ANO4: variants seen among roughly 807,000 people sequenced by gnomAD.
The protein encoded by ANO4 is anoctamin-4.
Under a neutral mutation model 141.9 loss-of-function variants are expected in ANO4, and 69 were observed. That is an observed-to-expected ratio of 0.49 (90% CI 0.40 to 0.59). The LOEUF (loss-of-function observed/expected upper bound fraction) is 0.59, where lower values mean the gene tolerates loss of function less well. ANO4 is among the 20% of genes least tolerant of loss of function. The pLI is 0.00. For synonymous variants in ANO4, 350 were observed against 394.3 expected (o/e 0.89, Z 1.33); for missense variants, 894 against 1,162.2 (o/e 0.77, Z 3.36).
At chr12:100,877,238 G>T (rs930794313) in intron 1 of ANO4, among the ~76,000 whole-genome samples, 1 of 151,530 alleles carries the variant, frequency 6.6e-6, no homozygotes, top group Non-Finnish European at 1.5e-5. Context: ...ATAATATATG[G>T]TATATTTGAA....
At position 100,905,510 on chromosome 12, in the gene ANO4, C is replaced by A. The variant is rs143570497; in HGVS notation, c.55+3670C>A. On this transcript the variant is annotated intron_variant, in intron 2 of 27. Transcript: ENST00000392977. ...TATTGAAAGTCAAATAAGATGAGGA[C>A]TGAGAATTAGTCGATTTTAGTAAAG... Among the ~76,000 whole-genome samples, 214 of 152,170 alleles carry A rather than the reference C, an allele frequency of 1.4e-3. 2 individuals are homozygous for A. The highest frequency in any genetic ancestry group is 4.9e-3 in the African/African-American group (203 of 41,516).
At chr12:100,841,635 G>C (rs1434889366) in intron 1 of ANO4, among the ~76,000 whole-genome samples, 1 of 152,166 alleles carries the variant, frequency 6.6e-6, no homozygotes, top group Admixed American at 6.6e-5. Flanking sequence ...GATCCAGGGT[G>C]AACGGTAGTC....
chr12:101,006,230 G>T (rs553947087), intron 8 of ANO4, among the ~76,000 whole-genome samples: 10 of 152,188 alleles, frequency 6.6e-5, no homozygotes, highest in Non-Finnish European at 1.2e-4. Flanking sequence ...TAGAATACCT[G>T]GGAGTAAAAT....
chr12:100,886,575 C>G (rs1376941368), intron 1 of ANO4, among the ~76,000 whole-genome samples: 2 of 152,176 alleles, frequency 1.3e-5, no homozygotes, highest in Non-Finnish European at 2.9e-5. Flanking sequence ...CCACCACTCT[C>G]TTTGTGAAGC....
chr12:101,080,883 T>TATATATATA (rs1491584060), intron 15 of ANO4, among the ~76,000 whole-genome samples: 2 of 74,072 alleles, frequency 2.7e-5, no homozygotes, highest in Non-Finnish European at 6.0e-5. Flanking sequence ...TATATATATA[T>TATATATATA]TATATATATA....
chr12:100,761,256 T>C (rs1256590460), intron 3 of ANO4, among the ~76,000 whole-genome samples: 1 of 152,196 alleles, frequency 6.6e-6, no homozygotes, highest in African/African-American at 2.4e-5. Flanking sequence ...CCCAGGCCTA[T>C]GTCTCATCTC....
intron 1 of ANO4, among the ~76,000 whole-genome samples, chr12:100,867,810 G>GGT (rs2038830325): frequency 6.6e-6 from 1 of 152,270 alleles, no homozygotes; most frequent in African/African-American, 2.4e-5. Context: ...AATTCCTCCA[G>GGT]GTGTGTGGCT....
chr12:101,044,225 G>A (rs954853648), intron 13 of ANO4, among the ~76,000 whole-genome samples: 1 of 151,990 alleles, frequency 6.6e-6, no homozygotes, highest in Non-Finnish European at 1.5e-5. Context: ...GAGCTTTCTT[G>A]TCTCTAAAAT....
At chr12:100,886,948 A>G (rs1452834791) in intron 1 of ANO4, among the ~76,000 whole-genome samples, 3 of 152,194 alleles carry the variant, frequency 2.0e-5, no homozygotes, top group African/African-American at 7.2e-5. Context: ...CTCCTCTTGT[A>G]GACATAGATT....
chr12:100,749,933 G>T (rs2032296427), intron 3 of ANO4, among the ~76,000 whole-genome samples: 1 of 152,092 alleles, frequency 6.6e-6, no homozygotes, highest in Non-Finnish European at 1.5e-5. Context: ...TAATTAATGG[G>T]ATGTGATATA....
intron 1 of ANO4, among the ~76,000 whole-genome samples, chr12:100,824,908 T>C (rs1163131253): frequency 6.6e-6 from 1 of 152,060 alleles, no homozygotes; most frequent in African/African-American, 2.4e-5. Context: ...TTTTTTAACT[T>C]AATTGATATC....
intron 14 of ANO4, 114 bp downstream of exon 14, chr12:101,048,515 T>C: frequency 1.1e-6 from 1 of 910,484 alleles, no homozygotes; most frequent in Non-Finnish European, 1.7e-6. Flanking sequence ...TGGAATTAGC[T>C]TTCCTATTAG....
intron 9 of ANO4, among the ~76,000 whole-genome samples, chr12:101,031,605 T>C (rs558573990): frequency 6.6e-6 from 1 of 152,116 alleles, no homozygotes; most frequent in Non-Finnish European, 1.5e-5. Flanking sequence ...GAGAAAGAAA[T>C]AAAGTGTATT....
chr12:101,042,303 G>A (rs1415692139), intron 11 of ANO4, 31 bp from the exon 12 acceptor site: 2 of 1,613,562 alleles, frequency 1.2e-6, no homozygotes, highest in East Asian at 2.2e-5. Context: ...ACACTGCACT[G>A]TAATTTGCAA....
chr12:101,035,672 G>A (rs2047164464), intron 9 of ANO4, among the ~76,000 whole-genome samples: 1 of 152,158 alleles, frequency 6.6e-6, no homozygotes, highest in South Asian at 2.1e-4. Context: ...CCATAATGAA[G>A]CTTCTGAATG....
chr12:101,107,144 T>C (rs1421306760), intron 22 of ANO4, among the ~76,000 whole-genome samples: 1 of 152,208 alleles, frequency 6.6e-6, no homozygotes, highest in Non-Finnish European at 1.5e-5. Context: ...TTTCTGTCCA[T>C]AACATCCATT....
intron 1 of ANO4, among the ~76,000 whole-genome samples, chr12:100,810,779 G>A (rs1158914587): frequency 6.6e-6 from 1 of 151,742 alleles, no homozygotes; most frequent in Non-Finnish European, 1.5e-5. Context: ...GATGAGGGAA[G>A]TATAGCCAGG....
chr12:100,883,714 C>T (rs1272775106), intron 1 of ANO4, among the ~76,000 whole-genome samples: 1 of 152,086 alleles, frequency 6.6e-6, no homozygotes, highest in Non-Finnish European at 1.5e-5. Context: ...CTACTTGACT[C>T]AATATATTGA....
At chr12:101,071,338 TA>T (rs541823846) in intron 14 of ANO4, among the ~76,000 whole-genome samples, 1,636 of 137,484 alleles carry the variant, frequency 0.012, 13 homozygotes, top group African/African-American at 0.02. Context: ...AGTCAGCCAT[TA>T]AAAAAAAAAA....
Sources: allele counts gnomAD v4.1 joint callset (sites outside exome capture counted in the v4.1 genomes callset), GRCh38; gene constraint gnomAD v4.1.1; transcripts MANE v1.5; gene names NCBI Gene and HGNC (gene_info 2026-07-23, HGNC 2026-07-21).